The following NUSAP1 variants were observed in gnomAD, a reference collection of about 807,000 sequenced individuals.
The protein encoded by NUSAP1 is nucleolar and spindle associated protein 1, also known as nucleolar and spindle-associated protein 1.
A neutral mutation model predicts 52.8 loss-of-function variants in NUSAP1; 32 were observed. That is an observed-to-expected ratio of 0.61 (90% CI 0.46 to 0.81). The LOEUF (loss-of-function observed/expected upper bound fraction) is 0.81. Among genes scored for constraint, NUSAP1 ranks in the 40% least tolerant of loss-of-function variants. The pLI is 0.00. For missense variants in NUSAP1, 499 were observed against 522.3 expected, an observed-to-expected ratio of 0.96 and a Z score of 0.43; for synonymous variants, 195 against 183.1, an observed-to-expected ratio of 1.06 and a Z score of -0.52.
rs2048959129 is a variant in NUSAP1, at chr15:41,356,073, G to T, written c.483G>T (p.Lys161Asn). 6.2e-7 allele frequency: 1 copy of T among 1,607,552 alleles called. No homozygotes were observed. The highest frequency in any genetic ancestry group is 8.5e-7 in the Non-Finnish European group (1 of 1,176,176). ...NRDSKVPSEGKKSLYTDESSK... is the reference protein window; with the variant it reads ...NRDSKVPSEGNKSLYTDESSK... The stretch of plus-strand genomic sequence containing the variant: ...ATTCAAAGGTACCTTCAGAAGGAAA[G>T]AAATCTCTCTACACAGATGAGTCAT... Residue 161 changes from lysine (K) to asparagine (N), a missense_variant, in exon 5 of 11, where the codon AAG (lysine) becomes AAT (asparagine). Coordinates refer to ENST00000559596, the MANE Select transcript of NUSAP1 (RefSeq NM_016359.5).
chr15:41,377,898 G>A (rs2050027944), intron 10 of NUSAP1, among the ~76,000 whole-genome samples: 1 of 151,536 alleles, frequency 6.6e-6, no homozygotes, highest in African/African-American at 2.4e-5. Context: ...CTACTCGGGA[G>A]ACTGAGGCAG....
intron 1 of NUSAP1, among the ~76,000 whole-genome samples, chr15:41,334,118 G>A (rs1180886058): frequency 1.3e-5 from 2 of 151,928 alleles, no homozygotes; most frequent in Non-Finnish European, 2.9e-5. Flanking sequence ...TTATTTGTTT[G>A]TTTGTTTGTT....
Position 41,342,422 on chromosome 15 carries a change from A to G in NUSAP1, c.130A>G (p.Lys44Glu). Residue 44 changes from lysine (K) to glutamate (E), a missense_variant, in exon 2 of 11, where the codon AAA becomes GAA. Physicochemically the swap from Lys to Glu is moderately conservative, Grantham distance 56 (BLOSUM62 1). Transcript: ENST00000559596. ...GTTAAAAGCCTTGAAAGGCTACATT[A>G]AACATGAGGCAAGAAAAGGAAATGA... ...KLLKALKGYI[K>E]HEARKGNENQ... 1 of 1,595,462 alleles carries G rather than the reference A, an allele frequency of 6.3e-7. No individual in the cohort carries two copies. The highest frequency in any genetic ancestry group is 1.3e-5 in the African/African-American group (1 of 74,620).
At chr15:41,366,274 CTTTT>C (rs1567066711) in intron 7 of NUSAP1, among the ~76,000 whole-genome samples, 1 of 148,470 alleles carries the variant, frequency 6.7e-6, no homozygotes, top group Admixed American at 6.7e-5. Flanking sequence ...CCCAACCTTT[CTTTT>C]TTTTTCTTTT....
chr15:41,342,414 G>A lies in NUSAP1; in HGVS notation c.122G>A (p.Gly41Asp). 1 of 1,595,678 alleles carries A rather than the reference G, an allele frequency of 6.3e-7. No individual in the cohort carries two copies. Among genetic ancestry groups the A allele is most frequent in the Non-Finnish European group, 8.5e-7 (1 of 1,170,646 alleles). The change falls in exon 2 of 11, where the codon GGC becomes GAC. Residue 41 changes from glycine to aspartate, a missense_variant. By Grantham distance (94) the Gly-to-Asp change is moderately conservative. Coordinates refer to ENST00000559596, the MANE Select transcript of NUSAP1 (RefSeq NM_016359.5). Reference protein sequence around the residue: ...RATKLLKALKGYIKHEARKGN... With the variant: ...RATKLLKALKDYIKHEARKGN... ...ACCAAGTTGTTAAAAGCCTTGAAAG[G>A]CTACATTAAACATGAGGCAAGAAAA...
At chr15:41,337,931 C>CTTTTTTTT (rs757341496) in intron 1 of NUSAP1, among the ~76,000 whole-genome samples, 265 of 110,932 alleles carry the variant, frequency 2.4e-3, no homozygotes, top group Middle Eastern at 5.0e-3. Flanking sequence ...TTTCTTTTTT[C>CTTTTTTTT]TTTTTTTTTT....
chr15:41,378,944 G>GGTTTTTT lies in NUSAP1; in HGVS notation c.1233-1149_1233-1148insGTTTTTT, dbSNP rs1253258207. The stretch of plus-strand genomic sequence containing the variant: ...CCCAAGATTATATTAACTTATCTTG[G>GGTTTTTT]TTTTTTTTTTTTTTTTTTTTTTTTT... On this transcript the variant is annotated intron_variant, in intron 10 of 10. Coordinates refer to ENST00000559596, the MANE Select transcript of NUSAP1 (RefSeq NM_016359.5). 9.5e-4 allele frequency among the ~76,000 whole-genome samples: 60 copies of GGTTTTTT among 63,254 alleles called. 7 individuals carry two copies. Among genetic ancestry groups the GGTTTTTT allele is most frequent in the African/African-American group, 4.1e-3 (59 of 14,268 alleles). 41.5% of individuals were successfully genotyped at this position (63,254 alleles called of 152,430 possible).
chr15:41,356,187 C>T (rs200384815), intron 5 of NUSAP1, 47 bp downstream of exon 5: 123 of 1,063,652 alleles, frequency 1.2e-4, no homozygotes, highest in African/African-American at 4.7e-5. Context: ...TGCCCCACTT[C>T]GGAATGATGT....
chr15:41,352,868 A>ATG (rs1417030992), intron 4 of NUSAP1, among the ~76,000 whole-genome samples: 1 of 152,014 alleles, frequency 6.6e-6, no homozygotes, highest in African/African-American at 2.4e-5. Context: ...GCATTTTTTA[A>ATG]TACAGGCCAG....
In NUSAP1 at chr15:41,364,461, G is replaced by A. The variant is rs530981223; in HGVS notation, c.661-941G>A. 9.2e-5 allele frequency among the ~76,000 whole-genome samples: 14 copies of A among 152,176 alleles called. 1 individual carries two copies. The South Asian group carries it at 2.3e-3, about 25-fold the overall frequency. ...TTTGGGAGGCTAAGGCAGGAGAATC[G>A]CTTGAACCTGGGAGGCAGAAGTTGC... On this transcript the variant is annotated intron_variant, in intron 6 of 10. Transcript: ENST00000559596.
At chr15:41,351,886 G>C (rs2048790836) in intron 4 of NUSAP1, 1 of 151,886 alleles carries the variant, frequency 6.6e-6, no homozygotes, top group Non-Finnish European at 1.5e-5. Flanking sequence ...CCAGTGGTTA[G>C]GACTTCAACA....
At position 41,380,847 on chromosome 15, in the gene NUSAP1, A is replaced by G. The variant is rs1039221861; in HGVS notation, c.*661A>G. 1 of 152,174 alleles carries G rather than the reference A, an allele frequency of 6.6e-6. No homozygotes were observed. Among genetic ancestry groups the G allele is most frequent in the Non-Finnish European group, 1.5e-5 (1 of 68,046 alleles). The allele number at this position is 152,174 out of a possible 1,614,324, so 9.4% of individuals were successfully genotyped here. On this transcript the variant is annotated 3_prime_UTR_variant, in exon 11 of 11. Transcript: ENST00000559596. ...ATAGCCCTATCGAAATGCGAGGATT[A>G]ATGCTTTAATGCTTTTAGAGACAGG...
chr15:41,373,692 C>T (rs1228202229), intron 8 of NUSAP1, among the ~76,000 whole-genome samples: 3 of 151,918 alleles, frequency 2.0e-5, no homozygotes, highest in Admixed American at 6.6e-5. Flanking sequence ...TCGTGATCCG[C>T]TCACCTCGGC....
chr15:41,377,912 C>T (rs1203901111), intron 10 of NUSAP1, among the ~76,000 whole-genome samples: 1 of 151,664 alleles, frequency 6.6e-6, no homozygotes, highest in African/African-American at 2.4e-5. Context: ...GAGGCAGGAA[C>T]CTGGGAGGCA....
chr15:41,345,106 C>T (rs942528450), intron 2 of NUSAP1, among the ~76,000 whole-genome samples: 3 of 151,762 alleles, frequency 2.0e-5, no homozygotes, highest in Non-Finnish European at 2.9e-5. Flanking sequence ...CTCAAGTGAT[C>T]CTCTTGCCTC....
At chr15:41,362,966 G>A (rs1320882651) in intron 6 of NUSAP1, among the ~76,000 whole-genome samples, 6 of 151,686 alleles carry the variant, frequency 4.0e-5, no homozygotes, top group African/African-American at 9.7e-5. Context: ...GTGAGACCCT[G>A]TCTCAAAAAA....
At chr15:41,335,397 T>C (rs1229862678) in intron 1 of NUSAP1, among the ~76,000 whole-genome samples, 1 of 141,794 alleles carries the variant, frequency 7.1e-6, no homozygotes, top group African/African-American at 2.5e-5. Context: ...ATACTAAATA[T>C]ACTATATTAA....
intron 1 of NUSAP1, among the ~76,000 whole-genome samples, chr15:41,338,239 C>G (rs1019526059): frequency 2.0e-5 from 3 of 151,956 alleles, no homozygotes; most frequent in Admixed American, 1.3e-4. Flanking sequence ...CCGGCCCATT[C>G]CCATAAGTTA....
rs1339190336 is a variant in NUSAP1, at chr15:41,377,207, C to G, written c.1135C>G (p.Pro379Ala). The G allele has an allele frequency of 5.3e-6, 8 of 1,504,450 alleles. No homozygotes were observed. The Admixed American group carries it at 1.8e-4, about 33-fold the overall frequency. The allele number at this position is 1,504,450 out of a possible 1,614,324, so 93.2% of individuals were successfully genotyped here. The change falls in exon 10 of 11, where the codon CCA becomes GCA. Residue 379 changes from proline to alanine, a missense_variant. Coordinates refer to ENST00000559596, the MANE Select transcript of NUSAP1 (RefSeq NM_016359.5). Reference protein sequence around the residue: ...NYEPHKGKLKPWGQSKENNYL... With the variant: ...NYEPHKGKLKAWGQSKENNYL... ...CTGTCCTAAACTAGGAAAGCTAAAACCATGGGGGCAATCTAAAGAAAATAA... is the reference window on the plus strand; with the variant it reads ...CTGTCCTAAACTAGGAAAGCTAAAAGCATGGGGGCAATCTAAAGAAAATAA...
Sources: allele counts gnomAD v4.1 joint callset (sites outside exome capture counted in the v4.1 genomes callset), GRCh38; gene constraint gnomAD v4.1.1; transcripts MANE v1.5; gene names NCBI Gene and HGNC (gene_info 2026-07-23, HGNC 2026-07-21).